The following XKR4 variants were observed in gnomAD, a reference collection of about 807,000 sequenced individuals.
XKR4 encodes the protein XK related 4, also known as XK-related protein 4.
XKR4 carries 12 observed loss-of-function variants against 53.9 expected under a neutral mutation model. The ratio of observed to expected loss-of-function variants is 0.22; its 90% CI spans 0.14 to 0.36. The LOEUF is 0.36. Ranked by LOEUF, XKR4 falls within the 10% of genes least tolerant of loss-of-function variation. XKR4 has a pLI of 1.00. For synonymous variants in XKR4, 354 were observed against 362.4 expected (o/e 0.98, Z 0.26); for missense variants, 799 against 859.5 (o/e 0.93, Z 0.88).
intron 1 of XKR4, among the ~76,000 whole-genome samples, chr8:55,284,959 C>T (rs1015322334): frequency 2.6e-5 from 4 of 152,212 alleles, no homozygotes; most frequent in Non-Finnish European, 1.5e-5. Flanking sequence ...AAATGCTACT[C>T]CTAAGTCACT....
In XKR4 at chr8:55,103,851, G is replaced by GTATA. The variant is rs60831330; in HGVS notation, c.806+597_806+600dup. Among the ~76,000 whole-genome samples, 506 of 105,806 alleles carry GTATA rather than the reference G, an allele frequency of 4.8e-3. 4 individuals are homozygous for GTATA. Among genetic ancestry groups the GTATA allele is most frequent in the Non-Finnish European group, 6.1e-3 (318 of 52,302 alleles). 69.4% of individuals were successfully genotyped at this position (105,806 alleles called of 152,430 possible). ...AAGATCCTAATAGGCAAATGACTTT[G>GTATA]TATATATATATATATATATATATAT... On this transcript the variant is annotated intron_variant, in intron 1 of 2. Coordinates refer to ENST00000327381, the MANE Select transcript of XKR4 (RefSeq NM_052898.2).
intron 1 of XKR4, among the ~76,000 whole-genome samples, chr8:55,330,077 G>A (rs998484450): frequency 6.6e-6 from 1 of 152,150 alleles, no homozygotes; most frequent in Admixed American, 6.5e-5. Context: ...ATCATCATCA[G>A]TATTATCGTC....
intron 2 of XKR4, among the ~76,000 whole-genome samples, chr8:55,364,608 T>C (rs1803949250): frequency 6.6e-6 from 1 of 150,752 alleles, no homozygotes; most frequent in Non-Finnish European, 1.5e-5. Flanking sequence ...GCTGGGTTTT[T>C]GTTTTGTTTT....
At chr8:55,451,107 TC>T in intron 2 of XKR4, 1 of 516,656 alleles carries the variant, frequency 1.9e-6, no homozygotes, top group Non-Finnish European at 3.5e-6. Context: ...CTGGCCTTTG[TC>T]CCCGAGGATG....
intron 1 of XKR4, among the ~76,000 whole-genome samples, chr8:55,244,337 G>C (rs11780565): frequency 6.6e-6 from 1 of 151,976 alleles, no homozygotes; most frequent in Admixed American, 6.6e-5. Flanking sequence ...CTGTTACTGC[G>C]TTAGTTCACT....
At chr8:55,440,271 G>A (rs1015982052) in intron 2 of XKR4, among the ~76,000 whole-genome samples, 2 of 152,120 alleles carry the variant, frequency 1.3e-5, no homozygotes, top group African/African-American at 2.4e-5. Flanking sequence ...TATAAAAAAG[G>A]TAGAAGATGC....
At chr8:55,450,431 G>T (rs1016332765) in intron 2 of XKR4, 10 of 573,700 alleles carry the variant, frequency 1.7e-5, no homozygotes, top group Admixed American at 5.3e-5. Context: ...TTGCTCATCC[G>T]GTCCACACAG....
chr8:55,136,126 TTG>T (rs1816625847), intron 1 of XKR4, among the ~76,000 whole-genome samples: 1 of 152,166 alleles, frequency 6.6e-6, no homozygotes, highest in Non-Finnish European at 1.5e-5. Flanking sequence ...TCTCCTGACC[TTG>T]TGATCCGCCC....
chr8:55,217,134 C>T (rs193118978), intron 1 of XKR4, among the ~76,000 whole-genome samples: 8 of 149,148 alleles, frequency 5.4e-5, no homozygotes, highest in Middle Eastern at 7.0e-3. Flanking sequence ...CCCAGCTACT[C>T]GGGAGGCTGA....
intron 1 of XKR4, among the ~76,000 whole-genome samples, chr8:55,257,995 T>G (rs1310708387): frequency 6.6e-6 from 1 of 152,194 alleles, no homozygotes; most frequent in Non-Finnish European, 1.5e-5. Context: ...GACCGTGGGC[T>G]CTGGACTGGA....
rs142556808 is a variant in XKR4, at chr8:55,507,831, C to T, written c.1007-15450C>T. 4.1e-3 allele frequency among the ~76,000 whole-genome samples: 629 copies of T among 152,152 alleles called. 4 individuals carry two copies. Among genetic ancestry groups the T allele is most frequent in the African/African-American group, 0.014 (572 of 41,470 alleles). On this transcript the variant is annotated intron_variant, in intron 2 of 2. Transcript: ENST00000327381. ...CATACGTGTGCATGTGTCTTTATAG[C>T]GGCATGATTTATAATCCTTTGGGTA...
Position 55,523,865 on chromosome 8 carries a change from C to T in XKR4, c.1591C>T (p.Pro531Ser). The T allele has an allele frequency of 3.1e-6, 5 of 1,614,154 alleles. No homozygotes were observed. In the South Asian group the frequency reaches 5.5e-5, roughly 18 times the overall value. Residue 531 changes from proline (P) to serine (S), a missense_variant, in exon 3 of 3, where the codon CCA becomes TCA. By Grantham distance (74) the Pro-to-Ser change is moderately conservative. Around this residue, in one of 3 missense-constraint regions of XKR4, gnomAD observed 269 missense variants for 264.4 expected, o/e 1.02. Coordinates refer to ENST00000327381, the MANE Select transcript of XKR4 (RefSeq NM_052898.2). ...GQSPSCACED[P>S]AAAFTLPPDV... Reference sequence around the variant, plus strand: ...GTCACCAAGTTGTGCTTGTGAGGACCCAGCCGCTGCCTTCACTTTGCCCCC... The same window carrying T: ...GTCACCAAGTTGTGCTTGTGAGGACTCAGCCGCTGCCTTCACTTTGCCCCC...
At chr8:55,319,558 T>C (rs538255052) in intron 1 of XKR4, among the ~76,000 whole-genome samples, 3 of 152,342 alleles carry the variant, frequency 2.0e-5, no homozygotes, top group South Asian at 4.1e-4. Flanking sequence ...GGCAAGAAAC[T>C]GTAACGTGCT....
intron 2 of XKR4, among the ~76,000 whole-genome samples, chr8:55,508,044 G>T (rs935802349): frequency 6.6e-6 from 1 of 152,092 alleles, no homozygotes; most frequent in Non-Finnish European, 1.5e-5. Flanking sequence ...TGTGGAATTG[G>T]TCATTTCCAT....
chr8:55,539,873 G>A lies in XKR4; in HGVS notation c.*15646G>A, dbSNP rs1807077076. 6.6e-6 allele frequency: 1 copy of A among 152,212 alleles called. No individual in the cohort carries two copies. The highest frequency in any genetic ancestry group is 1.5e-5 in the Non-Finnish European group (1 of 68,048). 9.4% of individuals were successfully genotyped at this position (152,212 alleles called of 1,614,324 possible). A position where few individuals can be genotyped will look rare whatever the true frequency, so the allele number is the denominator to read the frequency against. ...GATTCACAGGTGGGGTGACCAGGATGGGAGGAAAATAGTGGGGCGAGTATG... is the reference window on the plus strand; with the variant it reads ...GATTCACAGGTGGGGTGACCAGGATAGGAGGAAAATAGTGGGGCGAGTATG... On this transcript the variant is annotated 3_prime_UTR_variant, in exon 3 of 3. Coordinates refer to ENST00000327381, the MANE Select transcript of XKR4 (RefSeq NM_052898.2).
intron 1 of XKR4, among the ~76,000 whole-genome samples, chr8:55,288,871 T>C (rs1451056057): frequency 1.3e-5 from 2 of 152,212 alleles, no homozygotes; most frequent in Admixed American, 6.5e-5. Flanking sequence ...ATCTGTTCTC[T>C]TTGCAAGAAT....
intron 1 of XKR4, among the ~76,000 whole-genome samples, chr8:55,138,292 G>A (rs538120697): frequency 6.6e-6 from 1 of 152,088 alleles, no homozygotes; most frequent in African/African-American, 2.4e-5. Context: ...AGGCCACAAG[G>A]CTTTTGGATC....
chr8:55,306,954 G>T (rs1413887494), intron 1 of XKR4, among the ~76,000 whole-genome samples: 2 of 148,982 alleles, frequency 1.3e-5, no homozygotes, highest in East Asian at 3.9e-4. Flanking sequence ...AAAAAAAAGA[G>T]CCTCAACCTA....
intron 2 of XKR4, among the ~76,000 whole-genome samples, chr8:55,457,532 T>C (rs1039834661): frequency 6.6e-6 from 1 of 152,188 alleles, no homozygotes; most frequent in African/African-American, 2.4e-5. Flanking sequence ...CATTTCCAAG[T>C]AAATGAAAAC....
Sources: allele counts gnomAD v4.1 joint callset (sites outside exome capture counted in the v4.1 genomes callset), GRCh38; gene constraint gnomAD v4.1.1; regional missense constraint gnomAD v4.1.1; transcripts MANE v1.5; gene names NCBI Gene and HGNC (gene_info 2026-07-23, HGNC 2026-07-21).